Variants in BTC observed in about 807,000 individuals in gnomAD.
BTC encodes probetacellulin.
BTC carries 13 observed loss-of-function variants against 18.1 expected under a neutral mutation model. The ratio of observed to expected loss-of-function variants is 0.72; its 90% CI spans 0.47 to 1.14. BTC has a LOEUF of 1.14. Among genes scored for constraint, BTC ranks in the 50% most tolerant of loss-of-function variants. BTC has a pLI of 0.00. For missense variants in BTC, 247 were observed against 224.2 expected (o/e 1.10, Z -0.65); for synonymous variants, 83 against 79.4 (o/e 1.05, Z -0.24).
At chr4:74,781,545 T>C (rs1320076191) in intron 1 of BTC, among the ~76,000 whole-genome samples, 1 of 152,050 alleles carries the variant, frequency 6.6e-6, no homozygotes, top group East Asian at 1.9e-4. Flanking sequence ...GTATTTGATA[T>C]GGTTGACTTT....
chr4:74,788,910 T>C (rs1725550085), intron 1 of BTC, among the ~76,000 whole-genome samples: 1 of 152,222 alleles, frequency 6.6e-6, no homozygotes, highest in South Asian at 2.1e-4. Flanking sequence ...GATAGGATAC[T>C]GAGTTCTGGG....
In BTC at chr4:74,748,149, G is replaced by A; in HGVS notation, c.429C>T (p.His143=). ...TTCTTTTACGACGTTTCCGAAGAGG[G>A]CTTGGAAAATACGTGTTAGAAGTTA... ...ILVIGVCTCC[H]PLRKRRKRKK... Residue 143 remains histidine, a splice_region_variant and synonymous_variant, in exon 5 of 6, where the codon CAC becomes CAT. Transcript: ENST00000395743. 2 of 1,596,210 alleles carry A rather than the reference G, an allele frequency of 1.3e-6. No individual in the cohort carries two copies. Among genetic ancestry groups the A allele is most frequent in the Non-Finnish European group, 8.5e-7 (1 of 1,170,298 alleles).
At chr4:74,757,702 C>G (rs552909547) in intron 2 of BTC, among the ~76,000 whole-genome samples, 2 of 152,044 alleles carry the variant, frequency 1.3e-5, no homozygotes, top group Non-Finnish European at 2.9e-5. Flanking sequence ...TAAAAACAAC[C>G]ATCATAACCA....
intron 2 of BTC, among the ~76,000 whole-genome samples, chr4:74,758,234 A>G (rs1167526775): frequency 6.6e-6 from 1 of 152,264 alleles, no homozygotes; most frequent in African/African-American, 2.4e-5. Flanking sequence ...AATGAAAGTT[A>G]GAAATCTCAG....
At chr4:74,754,257 T>G (rs1553956485) in intron 3 of BTC, among the ~76,000 whole-genome samples, 1 of 152,226 alleles carries the variant, frequency 6.6e-6, no homozygotes, top group Admixed American at 6.5e-5. Context: ...AGGGGCACTA[T>G]TTGTTCAAGC....
chr4:74,759,939 A>C (rs536790576), intron 2 of BTC, among the ~76,000 whole-genome samples: 38 of 152,310 alleles, frequency 2.5e-4, no homozygotes, highest in East Asian at 1.7e-3. Flanking sequence ...TAAACATAGG[A>C]TAGTTCCTTA....
intron 2 of BTC, among the ~76,000 whole-genome samples, chr4:74,762,091 TAC>T (rs1724773057): frequency 6.6e-6 from 1 of 152,244 alleles, no homozygotes; most frequent in Non-Finnish European, 1.5e-5. Context: ...TAGAAAATGA[TAC>T]AGTCAGTACA....
chr4:74,760,078 G>A lies in BTC; in HGVS notation c.164-4102C>T, dbSNP rs1050243546. Among the ~76,000 whole-genome samples, 15 of 152,264 alleles carry A rather than the reference G, an allele frequency of 9.9e-5. No homozygotes were observed. In the East Asian group the frequency reaches 2.7e-3, roughly 27 times the overall value. On this transcript the variant is annotated intron_variant, in intron 2 of 5. Coordinates refer to ENST00000395743, the MANE Select transcript of BTC (RefSeq NM_001729.4). ...TTATTCTAACAGTGTTCATCCAAAT[G>A]TATTCAATAATTTTGTAGATGACAT...
chr4:74,787,875 C>G (rs1238611114), intron 1 of BTC, among the ~76,000 whole-genome samples: 4 of 152,102 alleles, frequency 2.6e-5, no homozygotes, highest in South Asian at 2.1e-4. Context: ...CTAAGAAAGC[C>G]TAGCAATACA....
chr4:74,791,897 G>A (rs940930726), intron 1 of BTC, among the ~76,000 whole-genome samples: 7 of 151,878 alleles, frequency 4.6e-5, no homozygotes, highest in African/African-American at 1.2e-4. Context: ...ACATCTCGGA[G>A]TCATGAAGTG....
At chr4:74,792,760 C>G (rs555586435) in intron 1 of BTC, among the ~76,000 whole-genome samples, 1 of 152,324 alleles carries the variant, frequency 6.6e-6, no homozygotes, top group South Asian at 2.1e-4. Flanking sequence ...ATTGCAAACT[C>G]TACCCAAGCC....
At chr4:74,775,884 C>T (rs908310350) in intron 1 of BTC, among the ~76,000 whole-genome samples, 1 of 152,166 alleles carries the variant, frequency 6.6e-6, no homozygotes, top group African/African-American at 2.4e-5. Context: ...TTCTTTCAAT[C>T]ATATTTTATG....
chr4:74,768,950 C>A (rs1724969715), intron 2 of BTC, among the ~76,000 whole-genome samples: 1 of 152,096 alleles, frequency 6.6e-6, no homozygotes, highest in South Asian at 2.1e-4. Context: ...GATGACAAGA[C>A]CCAAACATGA....
At chr4:74,761,885 A>G (rs1204217750) in intron 2 of BTC, among the ~76,000 whole-genome samples, 1 of 152,206 alleles carries the variant, frequency 6.6e-6, no homozygotes. Flanking sequence ...AAACTCACTC[A>G]GAGAAAAAAC....
intron 1 of BTC, 33 bp downstream of exon 1, chr4:74,794,229 T>C (rs1725710218): frequency 6.5e-7 from 1 of 1,549,614 alleles, no homozygotes; most frequent in Non-Finnish European, 8.7e-7. Flanking sequence ...CAGACTTTCC[T>C]CCTGGTTTCC....
chr4:74,749,931 C>CAAA (rs782482968), intron 4 of BTC, among the ~76,000 whole-genome samples: 2,122 of 73,964 alleles, frequency 0.029, 105 homozygotes, highest in African/African-American at 0.095. Context: ...CCAGTCTCCA[C>CAAA]AAAAAAAAAA....
intron 2 of BTC, among the ~76,000 whole-genome samples, chr4:74,764,738 A>G (rs541421728): frequency 9.9e-5 from 15 of 152,194 alleles, no homozygotes; most frequent in Non-Finnish European, 1.8e-4. Context: ...TGGGAAACCA[A>G]ATAGTGTATG....
intron 1 of BTC, among the ~76,000 whole-genome samples, chr4:74,783,418 G>A (rs1338372716): frequency 6.6e-6 from 1 of 151,984 alleles, no homozygotes; most frequent in Non-Finnish European, 1.5e-5. Context: ...GTATCTGTGT[G>A]GTCTTATCTC....
chr4:74,772,231 C>A (rs1725061902), intron 1 of BTC, among the ~76,000 whole-genome samples: 1 of 152,144 alleles, frequency 6.6e-6, no homozygotes, highest in African/African-American at 2.4e-5. Flanking sequence ...TCTAAAAGCA[C>A]ATTTTATCTG....
Sources: gnomAD v4.1 joint callset for allele counts (sites outside exome capture counted in the v4.1 genomes callset) on GRCh38, gnomAD v4.1.1 for gene constraint, MANE v1.5 for transcripts, NCBI Gene and HGNC (gene_info 2026-07-23, HGNC 2026-07-21) for gene names.